Variants in KALRN observed in about 807,000 individuals in gnomAD.
KALRN encodes kalirin.
KALRN carries 70 observed loss-of-function variants against 353.7 expected under a neutral mutation model. That is an observed-to-expected ratio of 0.20 (90% CI 0.16 to 0.24). The LOEUF (loss-of-function observed/expected upper bound fraction) is 0.24, where lower values mean the gene tolerates loss of function less well. KALRN is among the 10% of genes least tolerant of loss of function. The probability of loss-of-function intolerance (pLI) is 1.00; values close to 1 mark genes in which losing one functional copy is unlikely to be tolerated. For missense variants in KALRN, 2,791 were observed against 3,756.7 expected (o/e 0.74, Z 6.72); for synonymous variants, 1,391 against 1,434.8 (o/e 0.97, Z 0.69).
chr3:124,371,937 A>C (rs2085897530), intron 10 of KALRN, among the ~76,000 whole-genome samples: 1 of 151,716 alleles, frequency 6.6e-6, no homozygotes. Flanking sequence ...CTTACCCCCA[A>C]CTCCCTACTA....
chr3:124,278,360 A>G (rs2074989073), intron 5 of KALRN, among the ~76,000 whole-genome samples: 2 of 151,732 alleles, frequency 1.3e-5, no homozygotes, highest in African/African-American at 4.8e-5. Context: ...AAAAGCATGG[A>G]GGTGGTCCAA....
chr3:124,691,282 G>A (rs972978050), intron 51 of KALRN, among the ~76,000 whole-genome samples: 1 of 152,152 alleles, frequency 6.6e-6, no homozygotes, highest in African/African-American at 2.4e-5. Flanking sequence ...TACAGAATTA[G>A]CTGGGCATGG....
chr3:124,093,265 T>A (rs2061233151), intron 1 of KALRN, among the ~76,000 whole-genome samples: 1 of 152,192 alleles, frequency 6.6e-6, no homozygotes, highest in Admixed American at 6.5e-5. Flanking sequence ...GAGGGAGACA[T>A]GCCTCCAGTT....
At chr3:124,481,077 A>G (rs79893579) in intron 27 of KALRN, among the ~76,000 whole-genome samples, 24,396 of 152,162 alleles carry the variant, frequency 0.16, 2,495 homozygotes, top group Non-Finnish European at 0.23. Context: ...GGCTTTTGCA[A>G]TAGCCTCATA....
chr3:124,278,028 G>GTGT (rs1553889104), intron 5 of KALRN, among the ~76,000 whole-genome samples: 1 of 150,418 alleles, frequency 6.6e-6, no homozygotes, highest in South Asian at 2.1e-4. Context: ...GTGTGTGTGT[G>GTGT]GTGCAGGGCA....
chr3:124,678,545 C>T (rs548860765), intron 50 of KALRN: 45 of 395,458 alleles, frequency 1.1e-4, no homozygotes, highest in African/African-American at 7.1e-4. Flanking sequence ...ATACCTTTCT[C>T]TTTATACTGT....
At chr3:124,120,392 G>A (rs1394711909) in intron 1 of KALRN, among the ~76,000 whole-genome samples, 1 of 152,130 alleles carries the variant, frequency 6.6e-6, no homozygotes, top group African/African-American at 2.4e-5. Context: ...GATGAAATAT[G>A]ACTTTATTCC....
chr3:124,136,626 G>T (rs1023499137), intron 1 of KALRN, among the ~76,000 whole-genome samples: 1 of 152,180 alleles, frequency 6.6e-6, no homozygotes, highest in African/African-American at 2.4e-5. Flanking sequence ...AGTAGAGTTT[G>T]TTGGCCTTTA....
intron 10 of KALRN, among the ~76,000 whole-genome samples, chr3:124,352,383 C>T (rs2082922830): frequency 6.6e-6 from 1 of 152,168 alleles, no homozygotes; most frequent in Non-Finnish European, 1.5e-5. Context: ...TGTGCCTACT[C>T]TGTTAGTGTT....
chr3:124,157,482 G>A (rs2069175503), intron 1 of KALRN, among the ~76,000 whole-genome samples: 1 of 152,218 alleles, frequency 6.6e-6, no homozygotes, highest in Non-Finnish European at 1.5e-5. Context: ...TTGGGCAAGA[G>A]CCATGAATCC....
chr3:124,619,872 C>G (rs143171321), intron 34 of KALRN, among the ~76,000 whole-genome samples: 1 of 152,140 alleles, frequency 6.6e-6, no homozygotes, highest in Non-Finnish European at 1.5e-5. Context: ...CATCAATGTG[C>G]TAGGGTTCCC....
intron 1 of KALRN, among the ~76,000 whole-genome samples, chr3:124,144,501 T>C (rs2067037553): frequency 6.6e-6 from 1 of 152,012 alleles, no homozygotes. Context: ...GTCCTCCTCC[T>C]CTTCCTCATT....
chr3:124,488,520 G>T (rs116221845), intron 29 of KALRN: 2 of 547,612 alleles, frequency 3.7e-6, no homozygotes, highest in Non-Finnish European at 6.5e-6. Context: ...GGAAGGACCA[G>T]GCCTAAGCCA....
Position 124,411,963 on chromosome 3 carries a change from G to A in KALRN, c.2347-1507G>A, listed in dbSNP as rs781528914. Among the ~76,000 whole-genome samples the A allele has an allele frequency of 1.3e-5, 2 of 151,966 alleles. 1 individual carries two copies. Among genetic ancestry groups the A allele is most frequent in the Non-Finnish European group, 2.9e-5 (2 of 67,988 alleles). On this transcript the variant is annotated intron_variant, in intron 13 of 59. Transcript: ENST00000682506. The stretch of plus-strand genomic sequence containing the variant: ...TCTAAATTGACCTGAAAAGATGTGG[G>A]GTGTGAAGTGAGAACCTAGGGCAGT...
At position 124,632,435 on chromosome 3, in the gene KALRN, C is replaced by T; in HGVS notation, c.5198C>T (p.Ser1733Phe). The change falls in exon 35 of 60, where the codon TCC becomes TTC. Residue 1733 changes from serine (S) to phenylalanine (F), a missense_variant. By Grantham distance (155) the Ser-to-Phe change is radical (BLOSUM62 -2). This residue lies in a region of KALRN where 1,065 missense variants were observed against 1,156.4 expected (regional missense o/e 0.92). Coordinates refer to ENST00000682506, the MANE Select transcript of KALRN (RefSeq NM_001388419.1). ...FPLVKDAYSHSSSENGGKSES... is the reference protein window; with the variant it reads ...FPLVKDAYSHFSSENGGKSES... ...TTTTCCTCAGATGCATACTCTCATTCCTCAAGCGAGAATGGAGGCAAGTCC... is the reference window on the plus strand; with the variant it reads ...TTTTCCTCAGATGCATACTCTCATTTCTCAAGCGAGAATGGAGGCAAGTCC... 1 of 1,613,926 alleles carries T rather than the reference C, an allele frequency of 6.2e-7. No individual in the cohort carries two copies. The highest frequency in any genetic ancestry group is 1.1e-5 in the South Asian group (1 of 91,060).
chr3:124,526,175 G>A (rs1167778781), intron 33 of KALRN, among the ~76,000 whole-genome samples: 1 of 152,164 alleles, frequency 6.6e-6, no homozygotes, highest in Non-Finnish European at 1.5e-5. Context: ...GGATTGCTTA[G>A]ATCATCACCA....
At chr3:124,121,563 C>G (rs542019826) in intron 1 of KALRN, among the ~76,000 whole-genome samples, 1 of 152,308 alleles carries the variant, frequency 6.6e-6, no homozygotes, top group South Asian at 2.1e-4. Context: ...CATGAGCACT[C>G]AGCTATTTCT....
intron 10 of KALRN, among the ~76,000 whole-genome samples, chr3:124,358,006 C>G (rs1264568225): frequency 6.6e-6 from 1 of 152,136 alleles, no homozygotes; most frequent in Non-Finnish European, 1.5e-5. Flanking sequence ...AGAACACAGG[C>G]TCCAGAACCA....
chr3:124,632,313 C>A, intron 34 of KALRN, 107 bp from the exon 35 acceptor site: 1 of 1,097,160 alleles, frequency 9.1e-7, no homozygotes, highest in Non-Finnish European at 1.3e-6. Context: ...CTGGCCTGGA[C>A]ATTCTGCCTT....
Sources: allele counts gnomAD v4.1 joint callset (sites outside exome capture counted in the v4.1 genomes callset), GRCh38; gene constraint gnomAD v4.1.1; regional missense constraint gnomAD v4.1.1; transcripts MANE v1.5; gene names NCBI Gene and HGNC (gene_info 2026-07-23, HGNC 2026-07-21).